Variants in MCOLN2 observed in about 807,000 individuals in gnomAD.
MCOLN2 encodes mucolipin TRP cation channel 2.
In MCOLN2, 57 loss-of-function variants were observed where a neutral mutation model predicts 67.5. The ratio of observed to expected loss-of-function variants is 0.84; its 90% CI spans 0.68 to 1.05. The LOEUF (loss-of-function observed/expected upper bound fraction) is 1.05, where lower values mean the gene tolerates loss of function less well. MCOLN2 is among the 50% of genes least tolerant of loss of function. The pLI is 0.00. For missense variants in MCOLN2, 620 were observed against 678.8 expected, an observed-to-expected ratio of 0.91 and a Z score of 0.96; for synonymous variants, 246 against 233.3, an observed-to-expected ratio of 1.05 and a Z score of -0.50.
Position 84,997,044 on chromosome 1 carries a change from C to T in MCOLN2, c.-172G>A. On this transcript the variant is annotated 5_prime_UTR_variant, in exon 1 of 14. Transcript: ENST00000370608. ...GCCGCGTGGTGCGCGCAGACCCCGGCCCGAGAGCAGGCGCCGCAGTCGTGG... is the reference window on the plus strand; with the variant it reads ...GCCGCGTGGTGCGCGCAGACCCCGGTCCGAGAGCAGGCGCCGCAGTCGTGG... 2 of 619,578 alleles carry T rather than the reference C, an allele frequency of 3.2e-6. No homozygotes were observed. The allele number at this position is 619,578 out of a possible 1,614,324, so 38.4% of individuals were successfully genotyped here.
chr1:84,987,589 C>CATCTATGTATAT (rs1650663681), intron 1 of MCOLN2, among the ~76,000 whole-genome samples: 2 of 71,306 alleles, frequency 2.8e-5, no homozygotes, highest in African/African-American at 4.7e-5. Context: ...TAGATATATA[C>CATCTATGTATAT]ATATGTATAT....
chr1:84,968,213 AC>A, intron 1 of MCOLN2, among the ~76,000 whole-genome samples: 1 of 152,114 alleles, frequency 6.6e-6, no homozygotes, highest in South Asian at 2.1e-4. Context: ...TTAAAAATAG[AC>A]CCATCCTGAT....
At chr1:84,937,038 C>G (rs1325210686) in intron 11 of MCOLN2, among the ~76,000 whole-genome samples, 2 of 152,208 alleles carry the variant, frequency 1.3e-5, no homozygotes, top group African/African-American at 4.8e-5. Context: ...CCAACTGCCA[C>G]AGGCCCAAAT....
At chr1:84,977,898 C>T (rs1348259830) in intron 1 of MCOLN2, among the ~76,000 whole-genome samples, 1 of 152,084 alleles carries the variant, frequency 6.6e-6, no homozygotes, top group Non-Finnish European at 1.5e-5. Context: ...GGATCTAATA[C>T]ATATTTACAG....
At chr1:84,931,303 C>T (rs767797733) in intron 12 of MCOLN2, 59 bp downstream of exon 12, 42 of 1,038,974 alleles carry the variant, frequency 4.0e-5, no homozygotes, top group Non-Finnish European at 6.0e-5. Flanking sequence ...TGGTATTTTC[C>T]TATAATCTAT....
intron 1 of MCOLN2, among the ~76,000 whole-genome samples, chr1:84,985,702 A>C (rs75119114): frequency 0.15 from 23,504 of 152,150 alleles, 1,940 homozygotes; most frequent in East Asian, 0.26. Flanking sequence ...TGCAAAAAAA[A>C]CCAAAATTTA....
chr1:84,943,177 C>T (rs543935320), intron 7 of MCOLN2, among the ~76,000 whole-genome samples: 3 of 152,124 alleles, frequency 2.0e-5, no homozygotes, highest in South Asian at 2.1e-4. Flanking sequence ...AGCTAAGTTG[C>T]GGCAGAGTGA....
chr1:84,991,219 T>C (rs7547224), intron 1 of MCOLN2, among the ~76,000 whole-genome samples: 18,500 of 152,090 alleles, frequency 0.12, 1,384 homozygotes, highest in East Asian at 0.26. Context: ...CACGACTGGT[T>C]TGGGGTAGAG....
chr1:84,928,121 C>G (rs1363757821), intron 13 of MCOLN2, among the ~76,000 whole-genome samples: 3 of 152,174 alleles, frequency 2.0e-5, no homozygotes, highest in Admixed American at 2.0e-4. Context: ...GCTGACTTCA[C>G]TCAGGACCAT....
At position 84,958,310 on chromosome 1, in the gene MCOLN2, G is replaced by T. The variant is rs546002650; in HGVS notation, c.411+219C>A. On this transcript the variant is annotated intron_variant, in intron 3 of 13. Transcript: ENST00000370608. ...ATTTTCCAAAAGCAGTAGGTATGAA[G>T]TGATAAATTAAAAAGATAAATATTT... 1.4e-4 allele frequency among the ~76,000 whole-genome samples: 21 copies of T among 152,308 alleles called. No homozygotes were observed. The South Asian group carries it at 3.3e-3, about 24-fold the overall frequency.
intron 1 of MCOLN2, among the ~76,000 whole-genome samples, chr1:84,988,664 C>A (rs1202769160): frequency 1.3e-5 from 2 of 152,142 alleles, no homozygotes; most frequent in Non-Finnish European, 2.9e-5. Flanking sequence ...GCAATAGCCT[C>A]CCAATTCTTC....
chr1:84,937,300 G>A lies in MCOLN2; in HGVS notation c.1335+455C>T, dbSNP rs144056850. On this transcript the variant is annotated intron_variant, in intron 11 of 13. Transcript: ENST00000370608. ...TCAAAACCGTCTGCAGAGACAAGACGTGTCACCATTTCTATCGTAAACCTA... is the reference window on the plus strand; with the variant it reads ...TCAAAACCGTCTGCAGAGACAAGACATGTCACCATTTCTATCGTAAACCTA... Among the ~76,000 whole-genome samples the A allele has an allele frequency of 1.4e-4, 22 of 152,324 alleles. No homozygotes were observed. The South Asian group carries it at 1.9e-3, about 13-fold the overall frequency.
chr1:84,952,091 A>G, intron 6 of MCOLN2, 152 bp downstream of exon 6: 1 of 601,012 alleles, frequency 1.7e-6, no homozygotes, highest in Non-Finnish European at 2.9e-6. Flanking sequence ...TGTATTAGAA[A>G]AAAAGAAAAG....
At chr1:84,965,406 C>G in intron 2 of MCOLN2, 143 bp downstream of exon 2, 1 of 795,026 alleles carries the variant, frequency 1.3e-6, no homozygotes, top group African/African-American at 1.8e-5. Flanking sequence ...TTCAACCTAG[C>G]CTCTGCTCTC....
At chr1:84,948,954 A>T (rs1485483396) in intron 6 of MCOLN2, among the ~76,000 whole-genome samples, 3 of 152,118 alleles carry the variant, frequency 2.0e-5, no homozygotes, top group Admixed American at 2.0e-4. Context: ...ACATGGTGAA[A>T]CCCCATCTCT....
intron 11 of MCOLN2, among the ~76,000 whole-genome samples, chr1:84,934,843 T>C (rs1647334416): frequency 6.6e-6 from 1 of 152,188 alleles, no homozygotes; most frequent in Non-Finnish European, 1.5e-5. Flanking sequence ...GGAATACACA[T>C]CAGCAGGAAG....
At chr1:84,926,778 A>C in intron 13 of MCOLN2, 57 bp from the exon 14 acceptor site, 1 of 1,314,340 alleles carries the variant, frequency 7.6e-7, no homozygotes, top group East Asian at 2.4e-5. Flanking sequence ...AACATCTTTG[A>C]GGAGCAATAG....
intron 1 of MCOLN2, among the ~76,000 whole-genome samples, chr1:84,995,750 C>T (rs1278154089): frequency 2.6e-5 from 4 of 151,850 alleles, no homozygotes; most frequent in Non-Finnish European, 5.9e-5. Context: ...AACTATGTCT[C>T]TCAGTTCTTC....
In MCOLN2 at chr1:84,970,583, T is replaced by C. The variant is rs146723682; in HGVS notation, c.78-4875A>G. ...CTGCAATCCCAACTACTCAGGCAGC[T>C]GAGACACGAGAATAGCTTGATCTCA... is the stretch of plus-strand genomic sequence containing the variant. On this transcript the variant is annotated intron_variant, in intron 1 of 13. Transcript: ENST00000370608. Among the ~76,000 whole-genome samples, 28 of 152,094 alleles carry C rather than the reference T, an allele frequency of 1.8e-4. No individual in the cohort carries two copies. In the East Asian group the frequency reaches 5.4e-3, roughly 29 times the overall value.
Sources: gnomAD v4.1 joint callset for allele counts (sites outside exome capture counted in the v4.1 genomes callset) on GRCh38, gnomAD v4.1.1 for gene constraint, MANE v1.5 for transcripts, NCBI Gene and HGNC (gene_info 2026-07-23, HGNC 2026-07-21) for gene names.